Variants in CFAP43 observed in about 807,000 individuals in gnomAD.
The protein encoded by CFAP43 is cilia and flagella associated protein 43, also known as cilia- and flagella-associated protein 43.
CFAP43 carries 155 observed loss-of-function variants against 218.9 expected under a neutral mutation model. The observed-to-expected ratio is 0.71, with a 90% CI of 0.62 to 0.81. CFAP43 has a LOEUF of 0.81. Ranked by LOEUF, CFAP43 falls within the 30% of genes least tolerant of loss-of-function variation. CFAP43 has a pLI of 0.00. For missense variants in CFAP43, 1,778 were observed against 1,954.3 expected, an observed-to-expected ratio of 0.91 and a Z score of 1.70; for synonymous variants, 645 against 681.3, an observed-to-expected ratio of 0.95 and a Z score of 0.83.
intron 21 of CFAP43, among the ~76,000 whole-genome samples, chr10:104,168,168 G>T (rs1287391097): frequency 3.3e-5 from 5 of 152,174 alleles, no homozygotes; most frequent in Non-Finnish European, 7.3e-5. Context: ...AAAATGTATG[G>T]CTCATGAGGA....
At chr10:104,171,521 C>G (rs891653861) in intron 20 of CFAP43, among the ~76,000 whole-genome samples, 1 of 152,210 alleles carries the variant, frequency 6.6e-6, no homozygotes, top group East Asian at 1.9e-4. Flanking sequence ...AATCAACCTC[C>G]TCTTGGTGTA....
intron 12 of CFAP43, among the ~76,000 whole-genome samples, chr10:104,189,938 C>T (rs1335704135): frequency 2.6e-5 from 4 of 152,006 alleles, no homozygotes; most frequent in African/African-American, 4.8e-5. Flanking sequence ...GAGGCCAAGG[C>T]GGGCGGATCA....
intron 5 of CFAP43, among the ~76,000 whole-genome samples, chr10:104,211,035 C>T (rs1009846708): frequency 6.6e-6 from 1 of 151,910 alleles, no homozygotes; most frequent in Admixed American, 6.5e-5. Context: ...TCGTGATCCA[C>T]CCGTCTCGGC....
chr10:104,231,918 T>C (rs2091458900), intron 1 of CFAP43, among the ~76,000 whole-genome samples: 1 of 148,844 alleles, frequency 6.7e-6, no homozygotes, highest in African/African-American at 2.5e-5. Context: ...GGGACGTTGC[T>C]GGGTAAGAGA....
At position 104,232,163 on chromosome 10, in the gene CFAP43, G is replaced by T. The variant is rs751779276; in HGVS notation, c.65+19C>A. On this transcript the variant is annotated intron_variant, in intron 1 of 37. Coordinates refer to ENST00000357060, the MANE Select transcript of CFAP43 (RefSeq NM_025145.7). ...GTTCCGCGAGACCCAGATCGGTCGC[G>T]GGGCCGTGAACACCGCACCTCACGG... 1.2e-6 allele frequency: 2 copies of T among 1,603,276 alleles called. No individual in the cohort carries two copies. The highest frequency in any genetic ancestry group is 1.7e-6 in the Non-Finnish European group (2 of 1,175,296).
intron 26 of CFAP43, among the ~76,000 whole-genome samples, 194 bp from the exon 27 acceptor site, chr10:104,161,356 G>A (rs1297752117): frequency 6.6e-6 from 1 of 152,150 alleles, no homozygotes; most frequent in African/African-American, 2.4e-5. Flanking sequence ...AGGTGAAGGT[G>A]AGCAGGGTGG....
chr10:104,178,787 CTT>C (rs938251990), intron 19 of CFAP43, among the ~76,000 whole-genome samples: 2 of 152,082 alleles, frequency 1.3e-5, no homozygotes, highest in African/African-American at 4.8e-5. Flanking sequence ...AAATGCATAA[CTT>C]TGATAAAAAT....
intron 34 of CFAP43, 50 bp downstream of exon 34, chr10:104,140,792 A>T: frequency 7.0e-7 from 1 of 1,436,410 alleles, no homozygotes; most frequent in South Asian, 1.3e-5. Context: ...CTCTAGCCTG[A>T]GTAACAAAGC....
At chr10:104,158,101 C>G (rs2088671434) in intron 27 of CFAP43, among the ~76,000 whole-genome samples, 1 of 152,026 alleles carries the variant, frequency 6.6e-6, no homozygotes, top group Admixed American at 6.6e-5. Flanking sequence ...TCTGGTAGGG[C>G]AGAGGAAAAG....
intron 14 of CFAP43, among the ~76,000 whole-genome samples, chr10:104,186,788 C>T (rs2134893334): frequency 6.6e-6 from 1 of 152,212 alleles, no homozygotes; most frequent in Non-Finnish European, 1.5e-5. Context: ...CAGACCTTAT[C>T]AAAGTGGGTA....
chr10:104,221,404 G>T (rs1334192878), intron 3 of CFAP43, among the ~76,000 whole-genome samples: 1 of 152,166 alleles, frequency 6.6e-6, no homozygotes, highest in African/African-American at 2.4e-5. Flanking sequence ...CTTTTGGGGA[G>T]TGATCAGGTC....
In CFAP43 at chr10:104,164,045, G is replaced by A. The variant is rs1255100567; in HGVS notation, c.3246+49C>T. On this transcript the variant is annotated intron_variant, in intron 24 of 37. Transcript: ENST00000357060. ...ACCAAGTTGAACAAATAGGAGCTGG[G>A]GAAAGTCTCCTGAGAAAGAAGGGAA... 5.0e-6 allele frequency: 8 copies of A among 1,591,216 alleles called. No homozygotes were observed. The South Asian group carries it at 6.7e-5, about 13-fold the overall frequency.
In CFAP43 at chr10:104,147,878, A is replaced by C; in HGVS notation, c.3768+13T>G. The C allele has an allele frequency of 1.3e-6, 2 of 1,557,846 alleles. No homozygotes were observed. The highest frequency in any genetic ancestry group is 1.7e-6 in the Non-Finnish European group (2 of 1,147,150). On this transcript the variant is annotated intron_variant, in intron 29 of 37. Coordinates refer to ENST00000357060, the MANE Select transcript of CFAP43 (RefSeq NM_025145.7). The stretch of plus-strand genomic sequence containing the variant: ...GAAAATGCTTGTATTCAGATTTCAG[A>C]CACTATTCTTACTTTCTCGTGCTGT...
At chr10:104,146,222 A>C in intron 30 of CFAP43, 41 bp downstream of exon 30, 4 of 1,520,406 alleles carry the variant, frequency 2.6e-6, no homozygotes, top group Non-Finnish European at 3.6e-6. Flanking sequence ...GGCAGCAACA[A>C]CTCTACTGCA....
chr10:104,157,775 T>TGTGTGTGAGA (rs1484523345), intron 27 of CFAP43, among the ~76,000 whole-genome samples: 83 of 90,158 alleles, frequency 9.2e-4, no homozygotes, highest in Middle Eastern at 6.7e-3. Context: ...TGTGTGTGTG[T>TGTGTGTGAGA]GAGAGAGAGA....
At chr10:104,176,643 A>C (rs2089639764) in intron 19 of CFAP43, among the ~76,000 whole-genome samples, 1 of 152,202 alleles carries the variant, frequency 6.6e-6, no homozygotes, top group Admixed American at 6.5e-5. Context: ...GATATGTCGC[A>C]TTCACACTTC....
At chr10:104,194,672 C>A (rs1354540604) in intron 10 of CFAP43, among the ~76,000 whole-genome samples, 3 of 152,174 alleles carry the variant, frequency 2.0e-5, no homozygotes, top group Non-Finnish European at 4.4e-5. Flanking sequence ...ATGATTTATA[C>A]AGAATATGAT....
At chr10:104,188,523 TC>T (rs1342766410) in intron 12 of CFAP43, 113 bp from the exon 13 acceptor site, 34 of 1,331,576 alleles carry the variant, frequency 2.6e-5, no homozygotes, top group Non-Finnish European at 2.7e-5. Flanking sequence ...ATCTTTAGAA[TC>T]AAATTATTTG....
At chr10:104,183,627 G>A (rs2089932423) in intron 16 of CFAP43, among the ~76,000 whole-genome samples, 1 of 152,000 alleles carries the variant, frequency 6.6e-6, no homozygotes, top group Non-Finnish European at 1.5e-5. Context: ...CTGACCTCAT[G>A]ATCCACCCGC....
Sources: allele counts gnomAD v4.1 joint callset (sites outside exome capture counted in the v4.1 genomes callset), GRCh38; gene constraint gnomAD v4.1.1; transcripts MANE v1.5; gene names NCBI Gene and HGNC (gene_info 2026-07-23, HGNC 2026-07-21).